The following BMPR1B variants were observed in gnomAD, a reference collection of about 807,000 sequenced individuals.
BMPR1B encodes bone morphogenetic protein receptor type 1B.
In BMPR1B, 12 loss-of-function variants were observed where a neutral mutation model predicts 59.1. The observed-to-expected ratio is 0.20, with a 90% CI of 0.13 to 0.33. The LOEUF is 0.33. BMPR1B is among the 10% of genes least tolerant of loss of function. The pLI, the probability that BMPR1B is intolerant of heterozygous loss-of-function variation, is 1.00. For synonymous variants in BMPR1B, 237 were observed against 207.3 expected, an observed-to-expected ratio of 1.14 and a Z score of -1.23; for missense variants, 550 against 610.9, an observed-to-expected ratio of 0.90 and a Z score of 1.05.
chr4:94,777,037 T>A (rs1722396350), intron 1 of BMPR1B, among the ~76,000 whole-genome samples: 1 of 152,192 alleles, frequency 6.6e-6, no homozygotes, highest in East Asian at 1.9e-4. Context: ...CTGTTTTAAT[T>A]AATGACTGGA....
At chr4:95,052,175 AG>A (rs1219695598) in intron 3 of BMPR1B, among the ~76,000 whole-genome samples, 1 of 152,184 alleles carries the variant, frequency 6.6e-6, no homozygotes, top group Non-Finnish European at 1.5e-5. Flanking sequence ...TTTTCTTTGA[AG>A]TTCATCATCA....
intron 3 of BMPR1B, among the ~76,000 whole-genome samples, chr4:95,057,144 C>T (rs1027018941): frequency 2.6e-5 from 4 of 152,142 alleles, no homozygotes; most frequent in African/African-American, 9.7e-5. Context: ...GAATCTATGT[C>T]CCTGGACATA....
At chr4:94,961,231 A>G (rs1354342743) in intron 2 of BMPR1B, among the ~76,000 whole-genome samples, 1 of 152,182 alleles carries the variant, frequency 6.6e-6, no homozygotes, top group African/African-American at 2.4e-5. Flanking sequence ...GGCCAAATCT[A>G]GCCCACCACC....
At chr4:94,826,470 C>G (rs2110662942) in intron 1 of BMPR1B, among the ~76,000 whole-genome samples, 1 of 152,262 alleles carries the variant, frequency 6.6e-6, no homozygotes, top group Middle Eastern at 3.4e-3. Flanking sequence ...TCCCTGCTCT[C>G]ACTTGTTTAA....
intron 2 of BMPR1B, among the ~76,000 whole-genome samples, chr4:94,882,967 C>CGTGTGTGTGT (rs375751655): frequency 0.015 from 1,987 of 136,820 alleles, 42 homozygotes; most frequent in African/African-American, 0.051. Flanking sequence ...TGTGTGTGTG[C>CGTGTGTGTGT]GTGTGTGTGT....
At chr4:94,874,155 G>A (rs1463779128) in intron 1 of BMPR1B, among the ~76,000 whole-genome samples, 5 of 152,082 alleles carry the variant, frequency 3.3e-5, no homozygotes, top group Non-Finnish European at 7.4e-5. Flanking sequence ...ATATGTGTAT[G>A]TGTGTGTATA....
At chr4:94,861,495 A>G (rs1380368029) in intron 1 of BMPR1B, among the ~76,000 whole-genome samples, 2 of 152,150 alleles carry the variant, frequency 1.3e-5, no homozygotes, top group African/African-American at 2.4e-5. Flanking sequence ...AGATTCTAGA[A>G]TACCTGTGCT....
chr4:95,078,964 G>A (rs1394072099), intron 3 of BMPR1B, among the ~76,000 whole-genome samples: 1 of 152,046 alleles, frequency 6.6e-6, no homozygotes, highest in African/African-American at 2.4e-5. Flanking sequence ...TCACCATGTT[G>A]CCCAGGATGG....
At chr4:94,857,570 A>T (rs557640341) in intron 1 of BMPR1B, among the ~76,000 whole-genome samples, 47 of 152,344 alleles carry the variant, frequency 3.1e-4, no homozygotes, top group African/African-American at 1.1e-3. Flanking sequence ...TGTACTTTAT[A>T]CATTTCCCAA....
In BMPR1B at chr4:94,942,547, AAG is replaced by A. The variant is rs201227394; in HGVS notation, c.-112-53490_-112-53489del. 9.7e-3 allele frequency among the ~76,000 whole-genome samples: 1,482 copies of A among 152,334 alleles called. 12 individuals carry two copies. Among genetic ancestry groups the A allele is most frequent in the Non-Finnish European group, 0.012 (850 of 68,020 alleles). ...AGTCTTAATAGGCAGCAAATTAAAT[AAG>A]AGTTTCCCATGCTGATAAGGAGGGT... On this transcript the variant is annotated intron_variant, in intron 2 of 12. Transcript: ENST00000515059.
intron 3 of BMPR1B, among the ~76,000 whole-genome samples, chr4:95,034,048 T>C (rs2149161528): frequency 6.6e-6 from 1 of 152,230 alleles, no homozygotes; most frequent in South Asian, 2.1e-4. Context: ...ATGATTAATT[T>C]ACACAGGAAA....
chr4:95,002,228 A>C (rs922554972), intron 3 of BMPR1B, among the ~76,000 whole-genome samples: 10 of 152,180 alleles, frequency 6.6e-5, no homozygotes, highest in Admixed American at 6.5e-4. Flanking sequence ...AAGTGAGAAT[A>C]CACAGTATTT....
At chr4:94,922,324 C>CGT (rs1258790437) in intron 2 of BMPR1B, among the ~76,000 whole-genome samples, 15 of 151,676 alleles carry the variant, frequency 9.9e-5, no homozygotes, top group African/African-American at 2.2e-4. Context: ...TCTTGTGGGA[C>CGT]GTGTGCGTGT....
At chr4:95,043,031 C>T (rs56318098) in intron 3 of BMPR1B, among the ~76,000 whole-genome samples, 2,234 of 150,360 alleles carry the variant, frequency 0.015, 31 homozygotes, top group Non-Finnish European at 0.023. Context: ...AAAAATTAGC[C>T]GGGCGCGGTG....
chr4:94,838,220 C>T (rs1278785894), intron 1 of BMPR1B, among the ~76,000 whole-genome samples: 1 of 80,224 alleles, frequency 1.2e-5, no homozygotes, highest in Admixed American at 1.0e-4. Flanking sequence ...CTAATATTCT[C>T]TTTTTTGGTT....
At chr4:94,762,711 A>G (rs1482071365) in intron 1 of BMPR1B, among the ~76,000 whole-genome samples, 1 of 152,208 alleles carries the variant, frequency 6.6e-6, no homozygotes, top group African/African-American at 2.4e-5. Context: ...TGTGAGCAAG[A>G]GTACCTGAAT....
At chr4:94,795,324 A>G (rs2110610789) in intron 1 of BMPR1B, among the ~76,000 whole-genome samples, 1 of 150,762 alleles carries the variant, frequency 6.6e-6, no homozygotes, top group Non-Finnish European at 1.5e-5. Context: ...GATTACATTT[A>G]TTGATTTGCG....
chr4:95,150,875 G>A (rs1188063679), intron 11 of BMPR1B, among the ~76,000 whole-genome samples: 1 of 152,126 alleles, frequency 6.6e-6, no homozygotes, highest in African/African-American at 2.4e-5. Flanking sequence ...GAGTAGTGTG[G>A]AGAATAATGT....
At chr4:94,813,944 T>G (rs962933125) in intron 1 of BMPR1B, among the ~76,000 whole-genome samples, 1 of 152,152 alleles carries the variant, frequency 6.6e-6, no homozygotes, top group East Asian at 1.9e-4. Context: ...GATGGAAATA[T>G]CAGGAGTTAG....
Sources: gnomAD v4.1 joint callset for allele counts (sites outside exome capture counted in the v4.1 genomes callset) on GRCh38, gnomAD v4.1.1 for gene constraint, MANE v1.5 for transcripts, NCBI Gene and HGNC (gene_info 2026-07-23, HGNC 2026-07-21) for gene names.